The following FHAD1 variants were observed in gnomAD, a reference collection of about 807,000 sequenced individuals.
The protein encoded by FHAD1 is forkhead associated phosphopeptide binding domain 1.
FHAD1 carries 146 observed loss-of-function variants against 191.3 expected under a neutral mutation model. The observed-to-expected ratio is 0.76, with a 90% confidence interval of 0.67 to 0.88. The LOEUF is 0.88. Among genes scored for constraint, FHAD1 ranks in the 40% least tolerant of loss-of-function variants. The probability of loss-of-function intolerance (pLI) is 0.00; values close to 1 mark genes in which losing one functional copy is unlikely to be tolerated. For missense variants in FHAD1, 1,635 were observed against 1,785.8 expected, an observed-to-expected ratio of 0.92 and a Z score of 1.52; for synonymous variants, 616 against 672.3, an observed-to-expected ratio of 0.92 and a Z score of 1.29.
At chr1:15,391,844 G>C in intron 33 of FHAD1, among the ~76,000 whole-genome samples, 1 of 152,234 alleles carries the variant, frequency 6.6e-6, no homozygotes, top group East Asian at 1.9e-4. Context: ...GGAGGGTAGA[G>C]AGTGTCCCCA....
At chr1:15,340,284 A>G (rs1364289317) in intron 15 of FHAD1, among the ~76,000 whole-genome samples, 1 of 152,254 alleles carries the variant, frequency 6.6e-6, no homozygotes, top group African/African-American at 2.4e-5. Context: ...CCATAATAGT[A>G]TTATATAATA....
chr1:15,378,943 G>A (rs939265624), intron 28 of FHAD1, among the ~76,000 whole-genome samples: 2 of 152,100 alleles, frequency 1.3e-5, no homozygotes, highest in African/African-American at 4.8e-5. Context: ...CTTTGGCTGG[G>A]GCTTTCAGCA....
upstream of FHAD1, among the ~76,000 whole-genome samples, chr1:15,244,694 C>T (rs1188228654): frequency 6.6e-6 from 1 of 152,050 alleles, no homozygotes; most frequent in Admixed American, 6.6e-5. The surrounding 1 kb of genome is among the most constrained non-coding windows in gnomAD (Gnocchi z 5.1). Context: ...ACTGGTGGCA[C>T]AGCAGCAAAC....
chr1:15,281,911 T>C (rs1660750558), intron 3 of FHAD1, among the ~76,000 whole-genome samples: 1 of 152,148 alleles, frequency 6.6e-6, no homozygotes, highest in South Asian at 2.1e-4. Context: ...TACTCATTCA[T>C]GTATCTATAT....
intron 14 of FHAD1, among the ~76,000 whole-genome samples, chr1:15,333,824 C>CT (rs55698715): frequency 0.16 from 10,302 of 64,858 alleles, 2,007 homozygotes; most frequent in South Asian, 0.21. Flanking sequence ...TTTTATTTAT[C>CT]TTTTTTTTTT....
chr1:15,397,379 G>C lies in FHAD1; in HGVS notation c.4406G>C (p.Ser1469Thr). The change falls in exon 34 of 34, where the codon AGC becomes ACC. Residue 1469 changes from serine (S) to threonine (T), a missense_variant. Transcript: ENST00000688493. ...GAGACCTCCAGCAAGTCCAGCCAGA[G>C]CCTTTTGCATTCTAAGCCCAGTGGA... ...RKETSSKSSQ[S>T]LLHSKPSGKY is the part of the protein sequence containing the mutation. The C allele has an allele frequency of 2.6e-6, 4 of 1,545,134 alleles. No homozygotes were observed. Among genetic ancestry groups the C allele is most frequent in the Non-Finnish European group, 3.5e-6 (4 of 1,142,580 alleles).
intron 8 of FHAD1, chr1:15,314,969 C>T (rs1271599290): frequency 6.6e-6 from 1 of 151,750 alleles, no homozygotes; most frequent in Non-Finnish European, 1.5e-5. Flanking sequence ...GAAACAGCAG[C>T]TCCGGAGCTC....
chr1:15,250,420 G>A (rs1646632952), intron 1 of FHAD1, among the ~76,000 whole-genome samples: 1 of 152,184 alleles, frequency 6.6e-6, no homozygotes, highest in Non-Finnish European at 1.5e-5. Context: ...AGCAAATATG[G>A]CAAAATGCCG....
chr1:15,360,547 C>G lies in FHAD1; in HGVS notation c.2806C>G (p.Gln936Glu). ...GGCCCTCCAGGATGAGCAGGAATCACAGAGACACGGGTTTGAAGAAGAGAT... is the reference window on the plus strand; with the variant it reads ...GGCCCTCCAGGATGAGCAGGAATCAGAGAGACACGGGTTTGAAGAAGAGAT... ...VKALQDEQES[Q>E]RHGFEEEIME... Residue 936 changes from glutamine to glutamate, a missense_variant, in exon 22 of 34, where the codon CAG becomes GAG. By Grantham distance (29) the Gln-to-Glu change is conservative. Coordinates refer to ENST00000688493, the MANE Select transcript of FHAD1 (RefSeq NM_001391957.1). The G allele has an allele frequency of 6.4e-7, 1 of 1,552,010 alleles. No homozygotes were observed. The highest frequency in any genetic ancestry group is 8.7e-7 in the Non-Finnish European group (1 of 1,147,044).
intron 20 of FHAD1, among the ~76,000 whole-genome samples, chr1:15,354,875 G>C (rs7552933): frequency 6.6e-6 from 1 of 152,246 alleles, no homozygotes; most frequent in East Asian, 1.9e-4. Flanking sequence ...TCTGCAAGAA[G>C]CAACCTTCTC....
intron 15 of FHAD1, 48 bp from the exon 16 acceptor site, chr1:15,341,688 G>A (rs1686740928): frequency 6.8e-7 from 1 of 1,476,708 alleles, no homozygotes; most frequent in Non-Finnish European, 9.1e-7. Flanking sequence ...AGACTCTTTA[G>A]TTAGGCCTGT....
At chr1:15,359,851 G>A (rs1178668962) in intron 21 of FHAD1, among the ~76,000 whole-genome samples, 1 of 152,184 alleles carries the variant, frequency 6.6e-6, no homozygotes, top group Non-Finnish European at 1.5e-5. Context: ...TCAGGAGGCT[G>A]AGGCAGGAGA....
At chr1:15,376,138 G>A (rs539406086) in intron 28 of FHAD1, among the ~76,000 whole-genome samples, 3 of 148,322 alleles carry the variant, frequency 2.0e-5, no homozygotes, top group East Asian at 4.0e-4. Flanking sequence ...CACCCAGGCT[G>A]GAGTGCAGTG....
chr1:15,254,717 G>A (rs1647225211), intron 2 of FHAD1, among the ~76,000 whole-genome samples: 1 of 152,190 alleles, frequency 6.6e-6, no homozygotes, highest in Non-Finnish European at 1.5e-5. Flanking sequence ...ATTTCCAGAA[G>A]CATGAGCTTA....
intron 10 of FHAD1, among the ~76,000 whole-genome samples, chr1:15,319,184 G>A (rs1176680040): frequency 1.3e-5 from 2 of 152,142 alleles, no homozygotes; most frequent in Admixed American, 1.3e-4. Flanking sequence ...TCTATGTGAA[G>A]GGAGGTTCTC....
At chr1:15,370,234 C>G (rs1480503972) in intron 26 of FHAD1, among the ~76,000 whole-genome samples, 1 of 152,202 alleles carries the variant, frequency 6.6e-6, no homozygotes, top group Non-Finnish European at 1.5e-5. Context: ...GCCTCAGCCT[C>G]CCAAAGTGCT....
At chr1:15,244,499 C>G (rs980991130), upstream of FHAD1, among the ~76,000 whole-genome samples, 1 of 152,026 alleles carries the variant, frequency 6.6e-6, no homozygotes, top group Non-Finnish European at 1.5e-5. This position sits in a 1 kb window ranked among gnomAD's most constrained non-coding sequence, Gnocchi z 5.1. Context: ...TGACCAAAGA[C>G]AAGCATGGAG....
intron 4 of FHAD1, among the ~76,000 whole-genome samples, chr1:15,294,494 A>G (rs996519864): frequency 8.5e-5 from 13 of 152,068 alleles, no homozygotes; most frequent in African/African-American, 3.1e-4. Flanking sequence ...CCCGGGTTCA[A>G]GCGATTCTCC....
chr1:15,371,257 A>G (rs1698004218), intron 26 of FHAD1, among the ~76,000 whole-genome samples: 1 of 152,154 alleles, frequency 6.6e-6, no homozygotes, highest in South Asian at 2.1e-4. Context: ...TCCCGCCCAC[A>G]CCAAACGCCC....
Sources: allele counts gnomAD v4.1 joint callset (sites outside exome capture counted in the v4.1 genomes callset), GRCh38; gene constraint gnomAD v4.1.1; non-coding constraint Gnocchi (gnomAD v3.1); transcripts MANE v1.5; gene names NCBI Gene and HGNC (gene_info 2026-07-23, HGNC 2026-07-21).